The following MCMBP variants were observed in gnomAD, a reference collection of about 807,000 sequenced individuals.
MCMBP encodes the protein minichromosome maintenance complex binding protein.
A neutral mutation model predicts 81.3 loss-of-function variants in MCMBP; 31 were observed. The observed-to-expected ratio is 0.38, with a 90% CI of 0.29 to 0.51. The LOEUF is 0.51. Ranked by LOEUF, MCMBP falls within the 20% of genes least tolerant of loss-of-function variation. The pLI is 0.87. For synonymous variants in MCMBP, 267 were observed against 275.9 expected (o/e 0.97, Z 0.32); for missense variants, 645 against 772.1 (o/e 0.84, Z 1.95).
intron 1 of MCMBP, among the ~76,000 whole-genome samples, chr10:119,865,753 C>T (rs890311091): frequency 6.6e-6 from 1 of 151,982 alleles, no homozygotes; most frequent in African/African-American, 2.4e-5. Flanking sequence ...GCAGTATAGA[C>T]ATACAATGGA....
chr10:119,842,384 AAC>A (rs1852462798), intron 10 of MCMBP, 86 bp downstream of exon 10: 2 of 1,458,366 alleles, frequency 1.4e-6, no homozygotes, highest in Non-Finnish European at 1.9e-6. Context: ...CAATAAGGAA[AAC>A]ACACAAATGA....
intron 1 of MCMBP, 58 bp from the exon 2 acceptor site, chr10:119,859,942 A>G: frequency 4.7e-6 from 6 of 1,285,002 alleles, no homozygotes; most frequent in South Asian, 1.3e-5. Flanking sequence ...ATAAAAGACT[A>G]TGATCAGGTG....
rs766938290 is a variant in MCMBP at position 119,859,055 on chromosome 10, T to G, written c.271A>C (p.Asn91His). The G allele has an allele frequency of 1.2e-6, 2 of 1,613,528 alleles. No homozygotes were observed. Among genetic ancestry groups the G allele is most frequent in the Non-Finnish European group, 1.7e-6 (2 of 1,179,760 alleles). The change falls in exon 3 of 16, where the codon AAC becomes CAC. Residue 91 changes from asparagine (N) to histidine (H), a missense_variant. Asn to His is a moderately conservative substitution (Grantham distance 68). Coordinates refer to ENST00000369077, the MANE Select transcript of MCMBP (RefSeq NM_001256378.2). ...YMGVYETVNQ[N>H]TKAHVLHFGK... The stretch of plus-strand genomic sequence containing the variant: ...GCAATACTTACATGTGCTTTTGTGT[T>G]TTGGTTAACCGTTTCATAAACTCCC...
chr10:119,871,006 A>G (rs1853651078), intron 1 of MCMBP, among the ~76,000 whole-genome samples: 1 of 152,206 alleles, frequency 6.6e-6, no homozygotes, highest in Non-Finnish European at 1.5e-5. Context: ...TTTGACACAA[A>G]TACATTCAAA....
At chr10:119,845,038 T>C (rs1169747394) in intron 8 of MCMBP, among the ~76,000 whole-genome samples, 1 of 152,208 alleles carries the variant, frequency 6.6e-6, no homozygotes, top group Non-Finnish European at 1.5e-5. Context: ...CTCCCCTTCA[T>C]ATATTCATCT....
Position 119,835,576 on chromosome 10 carries a change from T to C in MCMBP, c.1671A>G (p.Arg557=). The C allele has an allele frequency of 6.2e-7, 1 of 1,614,182 alleles. No individual in the cohort carries two copies. The highest frequency in any genetic ancestry group is 8.5e-7 in the Non-Finnish European group (1 of 1,180,020). The change falls in exon 14 of 16, where the codon AGA becomes AGG. Residue 557 remains arginine (R), a synonymous_variant. Coordinates refer to ENST00000369077, the MANE Select transcript of MCMBP (RefSeq NM_001256378.2). The part of the protein sequence containing the change: ...NKFRIYLTLL[R]FLEYSISDEI... ...CATCAGATATGCTATATTCCAAGAATCTCAAAAGAGTTAGATAAATGCGGA... is the reference window on the plus strand; with the variant it reads ...CATCAGATATGCTATATTCCAAGAACCTCAAAAGAGTTAGATAAATGCGGA...
chr10:119,849,667 C>T (rs998411907), intron 6 of MCMBP, 91 bp from the exon 7 acceptor site: 25 of 1,182,508 alleles, frequency 2.1e-5, no homozygotes, highest in Admixed American at 5.8e-5. Flanking sequence ...GTTTGATATA[C>T]GTGATGCTTC....
chr10:119,843,211 G>A, intron 9 of MCMBP, 43 bp downstream of exon 9: 1 of 1,608,996 alleles, frequency 6.2e-7, no homozygotes, highest in Non-Finnish European at 8.5e-7. Context: ...ACACACTGAG[G>A]CTAACAGTCG....
Position 119,849,448 on chromosome 10 carries a change from T to C in MCMBP, c.703A>G (p.Lys235Glu). Reference protein sequence around the residue: ...FDLNFPLPGEKGPACLVKVYE... With the variant: ...FDLNFPLPGEEGPACLVKVYE... Reference sequence around the variant, plus strand: ...ACCTTCACAAGGCATGCAGGGCCCTTCTCTCCTGGCAATGGAAAATTCAAA... The same window carrying C: ...ACCTTCACAAGGCATGCAGGGCCCTCCTCTCCTGGCAATGGAAAATTCAAA... The change falls in exon 7 of 16, where the codon AAG becomes GAG. Residue 235 changes from lysine to glutamate, a missense_variant. Lys to Glu is a moderately conservative substitution (Grantham distance 56). Coordinates refer to ENST00000369077, the MANE Select transcript of MCMBP (RefSeq NM_001256378.2). The C allele has an allele frequency of 1.2e-6, 2 of 1,610,764 alleles. No individual in the cohort carries two copies. Among genetic ancestry groups the C allele is most frequent in the East Asian group, 2.2e-5 (1 of 44,656 alleles).
intron 5 of MCMBP, among the ~76,000 whole-genome samples, chr10:119,856,559 G>C (rs922690661): frequency 2.0e-5 from 3 of 152,100 alleles, no homozygotes; most frequent in African/African-American, 7.2e-5. Flanking sequence ...ACTAGAAAAA[G>C]GCAGAAAGGA....
At chr10:119,835,725 CTG>C (rs1361046317) in intron 13 of MCMBP, 21 bp from the exon 14 acceptor site, 19 of 1,611,974 alleles carry the variant, frequency 1.2e-5, no homozygotes, top group Non-Finnish European at 1.6e-5. Context: ...AAGGAGTACA[CTG>C]TATTTTCTGA....
At chr10:119,834,111 A>G (rs1365959750) in intron 14 of MCMBP, among the ~76,000 whole-genome samples, 2 of 152,234 alleles carry the variant, frequency 1.3e-5, no homozygotes, top group Non-Finnish European at 2.9e-5. Context: ...CATTAAATGC[A>G]ACATCAGATA....
chr10:119,843,577 T>TA, intron 8 of MCMBP, 151 bp from the exon 9 acceptor site: 1 of 676,550 alleles, frequency 1.5e-6, no homozygotes, highest in Non-Finnish European at 2.4e-6. Context: ...CCTCTCATTC[T>TA]AAAGTGTTAC....
rs1852329137 is a variant in MCMBP, at chr10:119,838,529, A to G, written c.1408+6T>C. The G allele has an allele frequency of 1.2e-6, 2 of 1,612,264 alleles. No homozygotes were observed. Among genetic ancestry groups the G allele is most frequent in the Non-Finnish European group, 1.7e-6 (2 of 1,178,770 alleles). ...AGAAATGGAAGAGAAACATCTATGT[A>G]CGTACCTGGGGTATCCAGCTGCCCC... On this transcript the variant is annotated splice_donor_region_variant and intron_variant, in intron 12 of 15. Transcript: ENST00000369077.
At chr10:119,843,135 C>T (rs1297307092) in intron 9 of MCMBP, 119 bp downstream of exon 9, 5 of 1,117,292 alleles carry the variant, frequency 4.5e-6, no homozygotes, top group South Asian at 3.8e-5. Flanking sequence ...TTACTGAAAA[C>T]ACTTATTGTG....
At chr10:119,863,497 C>T (rs1022990677) in intron 1 of MCMBP, among the ~76,000 whole-genome samples, 1 of 151,466 alleles carries the variant, frequency 6.6e-6, no homozygotes, top group Non-Finnish European at 1.5e-5. Flanking sequence ...TTTGGGAGGC[C>T]GAGGCGGGCG....
Position 119,835,573 on chromosome 10 carries a change from G to T in MCMBP, c.1674C>A (p.Phe558Leu). Residue 558 changes from phenylalanine (F) to leucine (L), a missense_variant, in exon 14 of 16, where the codon TTC (phenylalanine) becomes TTA (leucine). Coordinates refer to ENST00000369077, the MANE Select transcript of MCMBP (RefSeq NM_001256378.2). ...TTTCATCAGATATGCTATATTCCAAGAATCTCAAAAGAGTTAGATAAATGC... is the reference window on the plus strand; with the variant it reads ...TTTCATCAGATATGCTATATTCCAATAATCTCAAAAGAGTTAGATAAATGC... ...KFRIYLTLLR[F>L]LEYSISDEIT... is the part of the protein sequence containing the mutation. 1 of 1,614,084 alleles carries T rather than the reference G, an allele frequency of 6.2e-7. No homozygotes were observed. The highest frequency in any genetic ancestry group is 1.1e-5 in the South Asian group (1 of 91,068).
intron 5 of MCMBP, among the ~76,000 whole-genome samples, chr10:119,854,826 C>G (rs1319296486): frequency 2.0e-5 from 3 of 151,516 alleles, no homozygotes; most frequent in Non-Finnish European, 4.4e-5. Flanking sequence ...TGGTGGCACA[C>G]ACCTGTAGTC....
chr10:119,831,685 G>T, intron 15 of MCMBP, 85 bp from the exon 16 acceptor site: 1 of 1,474,410 alleles, frequency 6.8e-7, no homozygotes. Flanking sequence ...AATACTTTGT[G>T]AAAACACAGA....
Sources: gnomAD v4.1 joint callset for allele counts (sites outside exome capture counted in the v4.1 genomes callset) on GRCh38, gnomAD v4.1.1 for gene constraint, MANE v1.5 for transcripts, NCBI Gene and HGNC (gene_info 2026-07-23, HGNC 2026-07-21) for gene names.